Variants in DEPTOR observed in about 807,000 individuals in gnomAD.
DEPTOR encodes the protein DEP domain-containing mTOR-interacting protein.
In DEPTOR, 41 loss-of-function variants were observed where a neutral mutation model predicts 41.6. The observed-to-expected ratio is 0.98, with a 90% CI of 0.77 to 1.28. The LOEUF (loss-of-function observed/expected upper bound fraction) is 1.28. DEPTOR is among the 50% of genes most tolerant of loss of function. DEPTOR has a pLI of 0.00. For missense variants in DEPTOR, 514 were observed against 527.9 expected (o/e 0.97, Z 0.26); for synonymous variants, 195 against 192.3 (o/e 1.01, Z -0.12).
At chr8:119,966,338 C>T (rs1324314398) in intron 4 of DEPTOR, among the ~76,000 whole-genome samples, 4 of 152,042 alleles carry the variant, frequency 2.6e-5, no homozygotes, top group Admixed American at 1.3e-4. Flanking sequence ...TTGTGGTGCA[C>T]GTCTGTAATC....
At chr8:119,903,336 G>C (rs1363058868) in intron 1 of DEPTOR, among the ~76,000 whole-genome samples, 1 of 152,174 alleles carries the variant, frequency 6.6e-6, no homozygotes, top group Non-Finnish European at 1.5e-5. Flanking sequence ...GACCTCAGGT[G>C]ATCCACCCAC....
Position 119,997,248 on chromosome 8 carries a change from T to G in DEPTOR, c.605-4277T>G, listed in dbSNP as rs371817387. On this transcript the variant is annotated intron_variant, in intron 4 of 8. Coordinates refer to ENST00000286234, the MANE Select transcript of DEPTOR (RefSeq NM_022783.4). Reference sequence around the variant, plus strand: ...GCATGAGCATTCACTGATGACTGGTTGATTGAGACAGGATCTCACTCTGTT... The same window carrying G: ...GCATGAGCATTCACTGATGACTGGTGGATTGAGACAGGATCTCACTCTGTT... Among the ~76,000 whole-genome samples the G allele has an allele frequency of 4.6e-5, 7 of 152,284 alleles. No homozygotes were observed. In the South Asian group the frequency reaches 1.5e-3, roughly 32 times the overall value.
intron 1 of DEPTOR, among the ~76,000 whole-genome samples, chr8:119,877,566 A>G (rs114029952): frequency 0.019 from 2,834 of 152,182 alleles, 88 homozygotes; most frequent in African/African-American, 0.064. Flanking sequence ...GCTTTCTCTC[A>G]CTTTGCATTA....
At chr8:119,948,171 C>T (rs1046998770) in intron 3 of DEPTOR, among the ~76,000 whole-genome samples, 2 of 152,172 alleles carry the variant, frequency 1.3e-5, no homozygotes, top group African/African-American at 2.4e-5. Flanking sequence ...ACATTTGCTT[C>T]CCCATCTGAT....
At chr8:119,958,550 C>T (rs773448914) in intron 3 of DEPTOR, among the ~76,000 whole-genome samples, 9 of 151,704 alleles carry the variant, frequency 5.9e-5, no homozygotes, top group Non-Finnish European at 1.2e-4. Context: ...TTTGGGAGGC[C>T]GAGGGTGAAT....
At chr8:119,986,515 T>C (rs1025936834) in intron 4 of DEPTOR, among the ~76,000 whole-genome samples, 2 of 152,142 alleles carry the variant, frequency 1.3e-5, no homozygotes, top group African/African-American at 4.8e-5. Flanking sequence ...TTGGGGTTGC[T>C]CTTCTCGAGG....
intron 8 of DEPTOR, among the ~76,000 whole-genome samples, chr8:120,038,565 C>A (rs1813012498): frequency 1.4e-5 from 2 of 145,592 alleles, no homozygotes; most frequent in Admixed American, 7.3e-5. Context: ...TGCACTCCAA[C>A]CTGTGTGACA....
chr8:119,974,679 C>G (rs1005406389), intron 4 of DEPTOR, among the ~76,000 whole-genome samples: 7 of 151,320 alleles, frequency 4.6e-5, no homozygotes, highest in African/African-American at 1.5e-4. Context: ...GGTTGAGGCA[C>G]AAGAATTGCT....
rs557553547 is a variant in DEPTOR, at chr8:120,000,876, G to A, written c.605-649G>A. On this transcript the variant is annotated intron_variant, in intron 4 of 8. Coordinates refer to ENST00000286234, the MANE Select transcript of DEPTOR (RefSeq NM_022783.4). ...GTGGATCAGTTGAGGTCAGGAGTTCGAGACCAGCCTGGCCAACATGGTGCA... is the reference window on the plus strand; with the variant it reads ...GTGGATCAGTTGAGGTCAGGAGTTCAAGACCAGCCTGGCCAACATGGTGCA... Among the ~76,000 whole-genome samples, 349 of 150,928 alleles carry A rather than the reference G, an allele frequency of 2.3e-3. 2 individuals are homozygous for A. Among genetic ancestry groups the A allele is most frequent in the African/African-American group, 7.7e-3 (317 of 41,250 alleles).
chr8:119,961,877 C>T (rs1375410557), intron 3 of DEPTOR, among the ~76,000 whole-genome samples: 1 of 151,972 alleles, frequency 6.6e-6, no homozygotes. Context: ...AGGAACTCAT[C>T]AGGAATAATT....
At chr8:120,037,171 A>G (rs1385423092) in intron 8 of DEPTOR, among the ~76,000 whole-genome samples, 2 of 152,162 alleles carry the variant, frequency 1.3e-5, no homozygotes, top group African/African-American at 4.8e-5. Context: ...ATGGGGAAGG[A>G]TGGAAGAGGA....
At chr8:119,947,751 T>C (rs1457915372) in intron 3 of DEPTOR, among the ~76,000 whole-genome samples, 1 of 152,180 alleles carries the variant, frequency 6.6e-6, no homozygotes, top group Non-Finnish European at 1.5e-5. Context: ...AGGTGATGGA[T>C]AATCACAGTA....
intron 1 of DEPTOR, among the ~76,000 whole-genome samples, chr8:119,913,295 C>T (rs56331180): frequency 0.22 from 33,172 of 151,998 alleles, 4,163 homozygotes; most frequent in African/African-American, 0.33. Flanking sequence ...CCAAGTTGCA[C>T]TGGGGAGTGG....
At chr8:119,939,678 T>G (rs1483771744) in intron 3 of DEPTOR, among the ~76,000 whole-genome samples, 1 of 152,016 alleles carries the variant, frequency 6.6e-6, no homozygotes, top group Non-Finnish European at 1.5e-5. Flanking sequence ...TTTTGCCATG[T>G]TGGCCAGGTT....
intron 4 of DEPTOR, among the ~76,000 whole-genome samples, chr8:119,995,615 A>T (rs1812248846): frequency 6.6e-6 from 1 of 152,032 alleles, no homozygotes; most frequent in Admixed American, 6.6e-5. Context: ...AAAGAAAAGA[A>T]AAAGAAATTT....
intron 8 of DEPTOR, among the ~76,000 whole-genome samples, chr8:120,027,990 G>GA (rs1563596641): frequency 6.6e-6 from 1 of 152,138 alleles, no homozygotes; most frequent in African/African-American, 2.4e-5. Flanking sequence ...CTTAGAGACA[G>GA]CCTACTGGCT....
At chr8:119,974,733 C>T (rs1334246085) in intron 4 of DEPTOR, among the ~76,000 whole-genome samples, 1 of 151,716 alleles carries the variant, frequency 6.6e-6, no homozygotes, top group Admixed American at 6.6e-5. Flanking sequence ...GATCGTGCCA[C>T]TGCACTCCAG....
intron 3 of DEPTOR, among the ~76,000 whole-genome samples, chr8:119,944,092 G>T (rs931405719): frequency 6.6e-6 from 1 of 152,044 alleles, no homozygotes; most frequent in Middle Eastern, 3.4e-3. Context: ...TGCCCACCTC[G>T]GCCTCCCAAA....
chr8:119,996,954 G>A (rs944513382), intron 4 of DEPTOR, among the ~76,000 whole-genome samples: 5 of 152,062 alleles, frequency 3.3e-5, no homozygotes, highest in African/African-American at 7.2e-5. Context: ...TGAGTATAGC[G>A]ATGTAGTGAA....
Sources: gnomAD v4.1 joint callset for allele counts (sites outside exome capture counted in the v4.1 genomes callset) on GRCh38, gnomAD v4.1.1 for gene constraint, MANE v1.5 for transcripts, NCBI Gene and HGNC (gene_info 2026-07-23, HGNC 2026-07-21) for gene names.